ADD3: variants seen among roughly 807,000 people sequenced by gnomAD.
ADD3 encodes adducin 3.
In ADD3, 25 loss-of-function variants were observed where a neutral mutation model predicts 80.2. The observed-to-expected ratio is 0.31, with a 90% CI of 0.23 to 0.44. The LOEUF is 0.44. Among genes scored for constraint, ADD3 ranks in the 20% least tolerant of loss-of-function variants. The probability of loss-of-function intolerance (pLI) is 1.00; values close to 1 mark genes in which losing one functional copy is unlikely to be tolerated. For missense variants in ADD3, 829 were observed against 847.5 expected (o/e 0.98, Z 0.27); for synonymous variants, 284 against 289.6 (o/e 0.98, Z 0.20).
At chr10:110,040,964 G>C (rs200986238) in intron 1 of ADD3, among the ~76,000 whole-genome samples, 6 of 149,402 alleles carry the variant, frequency 4.0e-5, no homozygotes, top group African/African-American at 7.6e-5. Context: ...GTCTCTCTCT[G>C]TCTCTCTCTC....
intron 1 of ADD3, among the ~76,000 whole-genome samples, chr10:110,089,342 T>C (rs1394756856): frequency 6.6e-6 from 1 of 152,162 alleles, no homozygotes; most frequent in Non-Finnish European, 1.5e-5. Flanking sequence ...CTGGATAGTT[T>C]CCTGGATCTC....
At chr10:110,059,423 G>A (rs921426360) in intron 1 of ADD3, among the ~76,000 whole-genome samples, 17 of 152,114 alleles carry the variant, frequency 1.1e-4, no homozygotes, top group African/African-American at 4.1e-4. Context: ...AGTGAGCTGA[G>A]TGCGCGCTGC....
intron 1 of ADD3, among the ~76,000 whole-genome samples, chr10:110,100,329 G>A (rs1444909921): frequency 2.4e-5 from 3 of 127,486 alleles, no homozygotes; most frequent in Non-Finnish European, 4.6e-5. Context: ...CAGCCTGGGT[G>A]ACACAGTGAG....
At chr10:110,050,076 G>A (rs911947236) in intron 1 of ADD3, among the ~76,000 whole-genome samples, 6 of 152,066 alleles carry the variant, frequency 3.9e-5, no homozygotes, top group South Asian at 4.1e-4. Flanking sequence ...GGAAGGGACC[G>A]GTCTTGTCTC....
chr10:110,044,231 A>G (rs562937008), intron 1 of ADD3, among the ~76,000 whole-genome samples: 2 of 152,316 alleles, frequency 1.3e-5, no homozygotes, highest in East Asian at 1.9e-4. Context: ...TCTGTTGAAC[A>G]TCTAGAAAAA....
At chr10:110,014,192 C>T (rs534878394) in intron 1 of ADD3, among the ~76,000 whole-genome samples, 83 of 152,302 alleles carry the variant, frequency 5.4e-4, no homozygotes, top group African/African-American at 1.7e-3. Context: ...TCCACTTTTA[C>T]GCCCTAGGAA....
chr10:110,007,789 C>G (rs1851784506), upstream of ADD3, among the ~76,000 whole-genome samples: 1 of 147,750 alleles, frequency 6.8e-6, no homozygotes, highest in African/African-American at 2.5e-5. Flanking sequence ...AGAGAGAGCT[C>G]GGGGCTGCCA....
intron 1 of ADD3, among the ~76,000 whole-genome samples, chr10:110,095,073 T>G (rs1847995133): frequency 6.6e-6 from 1 of 152,212 alleles, no homozygotes; most frequent in Non-Finnish European, 1.5e-5. Context: ...CCAGATTTAT[T>G]TGGAAGGAGT....
rs1564658143 is a variant in ADD3 at position 110,122,287 on chromosome 10, A to G, written c.1138A>G (p.Asn380Asp). Reference sequence around the variant, plus strand: ...TGAAGGGCTTATGAGGACTCTGGACAACTTGGTAGGTTGCAAAATTGAAGT... The same window carrying G: ...TGAAGGGCTTATGAGGACTCTGGACGACTTGGTAGGTTGCAAAATTGAAGT... ...EFEGLMRTLDNLGYRTGYAYR... is the reference protein window; with the variant it reads ...EFEGLMRTLDDLGYRTGYAYR... The change falls in exon 9 of 15, where the codon AAC (asparagine) becomes GAC (aspartate). Residue 380 changes from asparagine to aspartate, a missense_variant. Physicochemically the swap from Asn to Asp is conservative, Grantham distance 23. Coordinates refer to ENST00000356080, the MANE Select transcript of ADD3 (RefSeq NM_016824.5). 2 of 1,611,086 alleles carry G rather than the reference A, an allele frequency of 1.2e-6. No individual in the cohort carries two copies. The highest frequency in any genetic ancestry group is 1.7e-6 in the Non-Finnish European group (2 of 1,178,852).
chr10:110,052,288 A>G (rs12242464), intron 1 of ADD3, among the ~76,000 whole-genome samples: 2,453 of 152,258 alleles, frequency 0.016, 62 homozygotes, highest in African/African-American at 0.052. Flanking sequence ...CTCATAAGAT[A>G]TCTGCTTCAG....
intron 1 of ADD3, among the ~76,000 whole-genome samples, chr10:110,076,605 C>G (rs979122769): frequency 6.6e-6 from 1 of 152,100 alleles, no homozygotes; most frequent in Admixed American, 6.6e-5. Flanking sequence ...TGGTCAGGAC[C>G]TCCAGAAACA....
chr10:110,133,383 T>TC lies in ADD3; in HGVS notation c.1886_1887insC (p.Asn630LysfsTer5). ...TCCATGGAAGTGCCTGTCATGGTAGTAAATGGCAAGGATGATATGCATGAT... is the reference window on the plus strand; with the variant it reads ...TCCATGGAAGTGCCTGTCATGGTAGTCAAATGGCAAGGATGATATGCATGAT... On this transcript the variant is annotated frameshift_variant, in exon 15 of 15. Transcript: ENST00000356080. LOFTEE classifies it high-confidence loss of function. 1 of 1,609,452 alleles carries TC rather than the reference T, an allele frequency of 6.2e-7. No homozygotes were observed. Among genetic ancestry groups the TC allele is most frequent in the Non-Finnish European group, 8.5e-7 (1 of 1,176,222 alleles).
intron 1 of ADD3, among the ~76,000 whole-genome samples, chr10:110,010,643 C>T (rs1043324432): frequency 6.6e-5 from 10 of 152,244 alleles, no homozygotes; most frequent in African/African-American, 2.4e-4. Context: ...TGCCTAACCT[C>T]TGTGCCAGGC....
chr10:110,093,404 A>G (rs1377765207), intron 1 of ADD3, among the ~76,000 whole-genome samples: 1 of 152,166 alleles, frequency 6.6e-6, no homozygotes, highest in Non-Finnish European at 1.5e-5. Context: ...GTTTTGTTTC[A>G]TAATACAGCC....
At chr10:109,998,018 T>C (rs1370053888) in intron 1 of ADD3, among the ~76,000 whole-genome samples, 1 of 152,246 alleles carries the variant, frequency 6.6e-6, no homozygotes, top group Non-Finnish European at 1.5e-5. Flanking sequence ...TGTTCTAGAC[T>C]CTAGACTGTA....
intron 1 of ADD3, among the ~76,000 whole-genome samples, chr10:110,059,919 A>G (rs1858680540): frequency 6.6e-6 from 1 of 152,242 alleles, no homozygotes; most frequent in Non-Finnish European, 1.5e-5. Context: ...TAGGGACATC[A>G]TGATGAAAGG....
At chr10:110,058,461 T>C (rs905530059) in intron 1 of ADD3, among the ~76,000 whole-genome samples, 15 of 152,212 alleles carry the variant, frequency 9.9e-5, no homozygotes, top group African/African-American at 3.6e-4. Flanking sequence ...TTCTAATGTG[T>C]ACCATCTGAT....
At chr10:110,057,998 A>G (rs761529077) in intron 1 of ADD3, among the ~76,000 whole-genome samples, 2 of 152,216 alleles carry the variant, frequency 1.3e-5, no homozygotes, top group Non-Finnish European at 2.9e-5. Context: ...TCCCTTATGC[A>G]TATTTGCATT....
chr10:110,070,770 A>G (rs984149657), intron 1 of ADD3, among the ~76,000 whole-genome samples: 5 of 151,994 alleles, frequency 3.3e-5, no homozygotes, highest in Non-Finnish European at 4.4e-5. Context: ...CAGATAACCA[A>G]ACTTGTCTCT....
Sources: gnomAD v4.1 joint callset for allele counts (sites outside exome capture counted in the v4.1 genomes callset) on GRCh38, gnomAD v4.1.1 for gene constraint, MANE v1.5 for transcripts, NCBI Gene and HGNC (gene_info 2026-07-23, HGNC 2026-07-21) for gene names.